RSRC1: variants seen among roughly 807,000 people sequenced by gnomAD.
RSRC1 encodes the protein serine/Arginine-related protein 53.
RSRC1 carries 39 observed loss-of-function variants against 49.1 expected under a neutral mutation model. That is an observed-to-expected ratio of 0.79 (90% confidence interval 0.61 to 1.04). The LOEUF (loss-of-function observed/expected upper bound fraction) is 1.04. Among genes scored for constraint, RSRC1 ranks in the 50% least tolerant of loss-of-function variants. The pLI is 0.00. For missense variants in RSRC1, 388 were observed against 402.4 expected (o/e 0.96, Z 0.31); for synonymous variants, 143 against 130.8 (o/e 1.09, Z -0.63).
At chr3:158,379,229 C>T (rs1485743460) in intron 6 of RSRC1, among the ~76,000 whole-genome samples, 4 of 120,764 alleles carry the variant, frequency 3.3e-5, no homozygotes, top group African/African-American at 1.3e-4. Flanking sequence ...GAGACCGAGT[C>T]TCGCTCTGTC....
chr3:158,318,234 T>A (rs1050959554), intron 5 of RSRC1, among the ~76,000 whole-genome samples: 1 of 152,066 alleles, frequency 6.6e-6, no homozygotes, highest in Non-Finnish European at 1.5e-5. Context: ...TGTTCTCCAT[T>A]AAAAGTTGTG....
At chr3:158,351,892 T>C (rs1358673075) in intron 5 of RSRC1, among the ~76,000 whole-genome samples, 1 of 127,818 alleles carries the variant, frequency 7.8e-6, no homozygotes, top group Non-Finnish European at 1.5e-5. Context: ...ATAACTATTA[T>C]ATAATATATA....
chr3:158,133,003 G>A (rs1235641416), intron 3 of RSRC1, among the ~76,000 whole-genome samples: 2 of 152,130 alleles, frequency 1.3e-5, no homozygotes, highest in Non-Finnish European at 2.9e-5. Context: ...CGGATATCTG[G>A]AAACTAGAAG....
intron 7 of RSRC1, chr3:158,469,293 ATAGT>A (rs1454935931): frequency 4.9e-5 from 19 of 389,168 alleles, no homozygotes; most frequent in African/African-American, 4.1e-4. Flanking sequence ...TAATTTTATA[ATAGT>A]TATTTAATTC....
chr3:158,512,427 A>T (rs919748335), intron 7 of RSRC1, among the ~76,000 whole-genome samples: 6 of 150,046 alleles, frequency 4.0e-5, no homozygotes, highest in African/African-American at 7.4e-5. Flanking sequence ...ATAGTTGTAG[A>T]TATGCGGCGT....
At chr3:158,433,166 A>G (rs939863420) in intron 6 of RSRC1, among the ~76,000 whole-genome samples, 1 of 151,958 alleles carries the variant, frequency 6.6e-6, no homozygotes, top group Non-Finnish European at 1.5e-5. Context: ...CTTGCTTACT[A>G]TTAAATAGGT....
At chr3:158,325,169 T>G (rs963821583) in intron 5 of RSRC1, among the ~76,000 whole-genome samples, 3 of 152,228 alleles carry the variant, frequency 2.0e-5, no homozygotes, top group African/African-American at 7.2e-5. Flanking sequence ...TTTCTCCCAT[T>G]CTGTAGGTTG....
At chr3:158,262,251 C>G (rs373932666) in intron 4 of RSRC1, among the ~76,000 whole-genome samples, 1 of 152,126 alleles carries the variant, frequency 6.6e-6, no homozygotes, top group Non-Finnish European at 1.5e-5. Flanking sequence ...CCAGTTTTAT[C>G]ATTTTAAGTT....
chr3:158,245,271 C>T (rs949884698), intron 4 of RSRC1, among the ~76,000 whole-genome samples: 10 of 151,930 alleles, frequency 6.6e-5, no homozygotes, highest in South Asian at 6.2e-4. Context: ...GCCTTAATTT[C>T]GTTATGTACT....
At chr3:158,226,734 A>G (rs1474834383) in intron 4 of RSRC1, among the ~76,000 whole-genome samples, 2 of 151,658 alleles carry the variant, frequency 1.3e-5, no homozygotes, top group East Asian at 3.9e-4. Flanking sequence ...AAAAACCTCT[A>G]CTCCTTCTTG....
At position 158,501,135 on chromosome 3, in the gene RSRC1, C is replaced by A. The variant is rs575589410; in HGVS notation, c.653-35957C>A. On this transcript the variant is annotated intron_variant, in intron 7 of 9. Coordinates refer to ENST00000611884, the MANE Select transcript of RSRC1 (RefSeq NM_001271838.2). ...TTTAGATCCAATGCTCATTCAGGAG[C>A]AGGTTATTTAATTTCCATGTATTTT... Among the ~76,000 whole-genome samples, 21 of 152,294 alleles carry A rather than the reference C, an allele frequency of 1.4e-4. No homozygotes were observed. In the South Asian group the frequency reaches 4.4e-3, roughly 32 times the overall value.
At chr3:158,339,880 C>T (rs1730134558) in intron 5 of RSRC1, among the ~76,000 whole-genome samples, 1 of 152,076 alleles carries the variant, frequency 6.6e-6, no homozygotes, top group South Asian at 2.1e-4. Context: ...GAAGACAGAG[C>T]AGGAAATTGT....
intron 4 of RSRC1, among the ~76,000 whole-genome samples, chr3:158,246,387 T>G (rs577622207): frequency 3.6e-5 from 4 of 111,116 alleles, no homozygotes; most frequent in South Asian, 2.7e-4. Context: ...CCTTAAAACT[T>G]AAAGTATAAT....
chr3:158,123,222 G>A (rs549323275), intron 2 of RSRC1, among the ~76,000 whole-genome samples: 2 of 152,296 alleles, frequency 1.3e-5, no homozygotes, highest in East Asian at 3.9e-4. Context: ...GGTCAGGCTG[G>A]TCTTGAACTC....
chr3:158,351,034 A>T (rs1038618289), intron 5 of RSRC1, among the ~76,000 whole-genome samples: 4 of 152,138 alleles, frequency 2.6e-5, no homozygotes, highest in Admixed American at 2.0e-4. Flanking sequence ...ATAACTATAG[A>T]TAGCAGTCAC....
At chr3:158,483,657 G>A (rs1738703675) in intron 7 of RSRC1, among the ~76,000 whole-genome samples, 1 of 151,958 alleles carries the variant, frequency 6.6e-6, no homozygotes, top group South Asian at 2.1e-4. Context: ...AATGTTTATA[G>A]GTATTTATAG....
rs373515934 is a variant in RSRC1, at chr3:158,527,292, G to A, written c.653-9800G>A. On this transcript the variant is annotated intron_variant, in intron 7 of 9. Transcript: ENST00000611884. ...CATACATGTACCCTTTCTCTAGCTA[G>A]TGGGTGGCCAGACATAAAAACTTGC... is the stretch of plus-strand genomic sequence containing the variant. Among the ~76,000 whole-genome samples, 4 of 151,888 alleles carry A rather than the reference G, an allele frequency of 2.6e-5. No homozygotes were observed. In the South Asian group the frequency reaches 8.3e-4, roughly 32 times the overall value.
intron 3 of RSRC1, among the ~76,000 whole-genome samples, chr3:158,126,466 AT>A (rs1715636463): frequency 6.6e-6 from 1 of 152,146 alleles, no homozygotes; most frequent in South Asian, 2.1e-4. Flanking sequence ...TTATACAAAA[AT>A]ACTGCTCTTG....
chr3:158,341,015 G>T (rs1250561517), intron 5 of RSRC1, among the ~76,000 whole-genome samples: 1 of 152,196 alleles, frequency 6.6e-6, no homozygotes, highest in Non-Finnish European at 1.5e-5. Flanking sequence ...CTAGAGATTT[G>T]TGGATGATTT....
Sources: gnomAD v4.1 joint callset for allele counts (sites outside exome capture counted in the v4.1 genomes callset) on GRCh38, gnomAD v4.1.1 for gene constraint, MANE v1.5 for transcripts, NCBI Gene and HGNC (gene_info 2026-07-23, HGNC 2026-07-21) for gene names.